PTPA: variants seen among roughly 807,000 people sequenced by gnomAD.
The protein encoded by PTPA is serine/threonine-protein phosphatase 2A activator.
Under a neutral mutation model 43.6 loss-of-function variants are expected in PTPA, and 13 were observed. The observed-to-expected ratio is 0.30, with a 90% confidence interval of 0.19 to 0.47. The LOEUF is 0.47. Ranked by LOEUF, PTPA falls within the 20% of genes least tolerant of loss-of-function variation. The probability of loss-of-function intolerance (pLI) is 0.99; values close to 1 mark genes in which losing one functional copy is unlikely to be tolerated. For missense variants in PTPA, 329 were observed against 411.9 expected (o/e 0.80, Z 1.74); for synonymous variants, 172 against 158.2 (o/e 1.09, Z -0.66).
chr9:129,146,971 A>G lies in PTPA; in HGVS notation c.895-416A>G, dbSNP rs17509036. Among the ~76,000 whole-genome samples the G allele has an allele frequency of 5.1e-3, 774 of 152,224 alleles. 5 individuals are homozygous for G. The highest frequency in any genetic ancestry group is 0.017 in the African/African-American group (719 of 41,504). ...TCCAGAGAACTGAAAGCTGGAGAAAACAGGCTTTGGGACCCGGCCTCAGCC... is the reference window on the plus strand; with the variant it reads ...TCCAGAGAACTGAAAGCTGGAGAAAGCAGGCTTTGGGACCCGGCCTCAGCC... On this transcript the variant is annotated intron_variant, in intron 9 of 9. Transcript: ENST00000393370.
intron 4 of PTPA, among the ~76,000 whole-genome samples, chr9:129,130,629 G>T (rs933908713): frequency 2.0e-5 from 3 of 152,138 alleles, no homozygotes; most frequent in Admixed American, 6.6e-5. Context: ...CTGGCCTCAG[G>T]TGATCCGCCC....
At chr9:129,115,936 C>T (rs888840964) in intron 1 of PTPA, among the ~76,000 whole-genome samples, 5 of 152,308 alleles carry the variant, frequency 3.3e-5, no homozygotes, top group Non-Finnish European at 7.4e-5. Context: ...AGCCACCGCG[C>T]CTGGCCAACT....
rs568054329 is a variant in PTPA at position 129,138,711 on chromosome 9, C to T, written c.786+1019C>T. Among the ~76,000 whole-genome samples the T allele has an allele frequency of 2.2e-4, 33 of 152,282 alleles. No individual in the cohort carries two copies. The South Asian group carries it at 5.0e-3, about 23-fold the overall frequency. ...CGGGCTGTGTATTCTGAGCCCCCGACGAGGTGGAGAAAGCTGGGTTATAAC... is the reference window on the plus strand; with the variant it reads ...CGGGCTGTGTATTCTGAGCCCCCGATGAGGTGGAGAAAGCTGGGTTATAAC... On this transcript the variant is annotated intron_variant, in intron 8 of 9. Coordinates refer to ENST00000393370, the MANE Select transcript of PTPA (RefSeq NM_178000.3).
At chr9:129,141,013 G>T (rs1056277988) in intron 8 of PTPA, among the ~76,000 whole-genome samples, 3 of 152,108 alleles carry the variant, frequency 2.0e-5, no homozygotes, top group African/African-American at 7.2e-5. Flanking sequence ...TCGGGCTCTT[G>T]CCTGGCTGTG....
chr9:129,133,515 C>T (rs1329851274), intron 5 of PTPA, among the ~76,000 whole-genome samples: 2 of 152,320 alleles, frequency 1.3e-5, no homozygotes, highest in East Asian at 3.9e-4. Context: ...CAGAAGTATT[C>T]TCTGACACAT....
intron 3 of PTPA, 117 bp downstream of exon 3, chr9:129,123,255 C>T (rs3118629): frequency 0.28 from 218,563 of 792,164 alleles, 31,329 homozygotes; most frequent in Admixed American, 0.33. Context: ...AGGCGGCTCA[C>T]GAGGTCAGGA....
At chr9:129,111,311 G>A (rs1431512576), upstream of PTPA, 11 of 1,134,576 alleles carry the variant, frequency 9.7e-6, no homozygotes, top group Non-Finnish European at 1.2e-5. Context: ...GGCGGCCGTT[G>A]GCGCGCATGC....
chr9:129,130,689 A>G (rs1042457564), intron 4 of PTPA, among the ~76,000 whole-genome samples: 4 of 152,200 alleles, frequency 2.6e-5, no homozygotes, highest in Non-Finnish European at 5.9e-5. Flanking sequence ...CACTGCTCCC[A>G]GCCTTAAGTT....
At chr9:129,121,996 G>T (rs993974130) in intron 2 of PTPA, among the ~76,000 whole-genome samples, 3 of 152,162 alleles carry the variant, frequency 2.0e-5, no homozygotes, top group African/African-American at 4.8e-5. Flanking sequence ...ACCCCGGCTT[G>T]GATAAGGAGA....
intron 6 of PTPA, among the ~76,000 whole-genome samples, chr9:129,135,165 C>T (rs189193063): frequency 6.6e-6 from 1 of 152,346 alleles, no homozygotes; most frequent in East Asian, 1.9e-4. Context: ...GAGGCCCAGG[C>T]AGGCGGATCA....
At chr9:129,113,305 T>C (rs1286310177) in intron 1 of PTPA, among the ~76,000 whole-genome samples, 1 of 151,798 alleles carries the variant, frequency 6.6e-6, no homozygotes, top group Non-Finnish European at 1.5e-5. Flanking sequence ...TTGGCCAGGC[T>C]GGTCTCGAAC....
chr9:129,143,242 C>T (rs948529600), intron 9 of PTPA: 3 of 693,018 alleles, frequency 4.3e-6, no homozygotes, highest in Non-Finnish European at 5.3e-6. Flanking sequence ...TCTACTCTGT[C>T]CCTTCTGCTA....
At chr9:129,134,721 G>A (rs1404690091) in intron 5 of PTPA, 74 bp from the exon 6 acceptor site, 11 of 1,238,788 alleles carry the variant, frequency 8.9e-6, no homozygotes, top group Admixed American at 1.9e-5. Flanking sequence ...TCAATGATTC[G>A]GATTCTGGGA....
intron 9 of PTPA, 184 bp downstream of exon 9, chr9:129,142,736 CAG>C: frequency 6.5e-7 from 1 of 1,537,530 alleles, no homozygotes; most frequent in Non-Finnish European, 8.7e-7. Flanking sequence ...CATGGGCAGT[CAG>C]AGAAGCACCA....
At position 129,147,495 on chromosome 9, in the gene PTPA, A is replaced by G. The variant is rs1851381978; in HGVS notation, c.*31A>G. On this transcript the variant is annotated 3_prime_UTR_variant, in exon 10 of 10. Transcript: ENST00000393370. ...GCCAAGCCGAAGAGCCACCCAGGCCACAGTTCCTGTGCCTGCCTTCCCCAC... is the reference window on the plus strand; with the variant it reads ...GCCAAGCCGAAGAGCCACCCAGGCCGCAGTTCCTGTGCCTGCCTTCCCCAC... 1 of 1,600,954 alleles carries G rather than the reference A, an allele frequency of 6.2e-7. No individual in the cohort carries two copies. The highest frequency in any genetic ancestry group is 8.5e-7 in the Non-Finnish European group (1 of 1,169,606).
intron 7 of PTPA, among the ~76,000 whole-genome samples, chr9:129,137,167 C>T (rs1850426759): frequency 6.6e-6 from 1 of 152,210 alleles, no homozygotes; most frequent in Non-Finnish European, 1.5e-5. Flanking sequence ...GACTGATATT[C>T]ATAAATGACC....
At chr9:129,145,650 G>A (rs557045348) in intron 9 of PTPA, among the ~76,000 whole-genome samples, 1 of 152,234 alleles carries the variant, frequency 6.6e-6, no homozygotes, top group South Asian at 2.1e-4. Flanking sequence ...CAGGATTTGG[G>A]TCTAACTCTG....
chr9:129,122,825 G>A lies in PTPA; in HGVS notation c.130-227G>A, dbSNP rs909035605. 2.0e-5 allele frequency among the ~76,000 whole-genome samples: 3 copies of A among 152,210 alleles called. No homozygotes were observed. The South Asian group carries it at 6.2e-4, about 32-fold the overall frequency. On this transcript the variant is annotated intron_variant, in intron 2 of 9. Transcript: ENST00000393370. Reference sequence around the variant, plus strand: ...AATAGTGAGTACTTGGTTCACTCTGGCTGGAGATCAGCGTGTTGCTGTGGT... The same window carrying A: ...AATAGTGAGTACTTGGTTCACTCTGACTGGAGATCAGCGTGTTGCTGTGGT...
At chr9:129,138,400 C>A (rs1588524579) in intron 8 of PTPA, among the ~76,000 whole-genome samples, 1 of 152,292 alleles carries the variant, frequency 6.6e-6, no homozygotes, top group Admixed American at 6.5e-5. Context: ...TCTTAGGGGA[C>A]AAGAGCCAGG....
Sources: gnomAD v4.1 joint callset for allele counts (sites outside exome capture counted in the v4.1 genomes callset) on GRCh38, gnomAD v4.1.1 for gene constraint, MANE v1.5 for transcripts, NCBI Gene and HGNC (gene_info 2026-07-23, HGNC 2026-07-21) for gene names.